DYNC2H1: variants seen among roughly 807,000 people sequenced by gnomAD.
DYNC2H1 encodes dynein cytoplasmic 2 heavy chain 1, also known as cytoplasmic dynein 2 heavy chain 1.
A neutral mutation model predicts 570.0 loss-of-function variants in DYNC2H1; 410 were observed. The observed-to-expected ratio is 0.72, with a 90% CI of 0.66 to 0.78. The LOEUF (loss-of-function observed/expected upper bound fraction) is 0.78. DYNC2H1 is among the 30% of genes least tolerant of loss of function. The pLI is 0.00. For synonymous variants in DYNC2H1, 1,688 were observed against 1,677.6 expected, an observed-to-expected ratio of 1.01 and a Z score of -0.15; for missense variants, 4,865 against 5,046.4, an observed-to-expected ratio of 0.96 and a Z score of 1.09.
At chr11:103,376,009 C>T (rs537686605) in intron 83 of DYNC2H1, among the ~76,000 whole-genome samples, 81 of 152,282 alleles carry the variant, frequency 5.3e-4, no homozygotes, top group African/African-American at 1.9e-3. Flanking sequence ...ATTTGAGGGA[C>T]CCAGTTGGAG....
intron 59 of DYNC2H1, among the ~76,000 whole-genome samples, chr11:103,225,626 C>T (rs1203954495): frequency 2.0e-5 from 3 of 152,076 alleles, no homozygotes; most frequent in African/African-American, 7.2e-5. Flanking sequence ...TATTTTTATA[C>T]CAGTGCAATG....
Position 103,199,439 on chromosome 11 carries a change from G to C in DYNC2H1, c.8051G>C (p.Gly2684Ala). 1.2e-6 allele frequency: 2 copies of C among 1,606,492 alleles called. No homozygotes were observed. The highest frequency in any genetic ancestry group is 1.7e-6 in the Non-Finnish European group (2 of 1,175,962). Reference protein sequence around the residue: ...AVLFSPKISRGYELKQFKNDL... With the variant: ...AVLFSPKISRAYELKQFKNDL... ...CTGTTTTCTCCAAAGATTTCCAGAGGATATGAACTGAAGCAGTTCAAAAAT... is the reference window on the plus strand; with the variant it reads ...CTGTTTTCTCCAAAGATTTCCAGAGCATATGAACTGAAGCAGTTCAAAAAT... Residue 2684 changes from glycine (G) to alanine (A), a missense_variant, in exon 49 of 89, where the codon GGA (glycine) becomes GCA (alanine). Gly to Ala is a moderately conservative substitution (Grantham distance 60, BLOSUM62 0). Coordinates refer to ENST00000375735, the MANE Select transcript of DYNC2H1 (RefSeq NM_001377.3). This position sits in a 1 kb window ranked among gnomAD's most constrained non-coding sequence, Gnocchi z 4.6.
At chr11:103,267,498 T>A (rs1315447369) in intron 70 of DYNC2H1, among the ~76,000 whole-genome samples, 1 of 151,942 alleles carries the variant, frequency 6.6e-6, no homozygotes, top group Non-Finnish European at 1.5e-5. Flanking sequence ...CTCAAAGCCA[T>A]TTTGTTACTA....
In DYNC2H1 at chr11:103,301,932, A is replaced by AT. The variant is rs1209426847; in HGVS notation, c.11096-1156dup. Among the ~76,000 whole-genome samples the AT allele has an allele frequency of 5.3e-5, 8 of 151,956 alleles. No homozygotes were observed. The East Asian group carries it at 1.4e-3, about 26-fold the overall frequency. ...GTACTCATTCAGTTACATTCTCCTA[A>AT]TTTTTCGTTTATTTTTAAACTCCTG... On this transcript the variant is annotated intron_variant, in intron 75 of 88. Coordinates refer to ENST00000375735, the MANE Select transcript of DYNC2H1 (RefSeq NM_001377.3).
In DYNC2H1 at chr11:103,446,726, T is replaced by G. The variant is rs968145146; in HGVS notation, c.12457-8460T>G. On this transcript the variant is annotated intron_variant, in intron 85 of 88. Transcript: ENST00000375735. This position sits in a 1 kb window ranked among gnomAD's most constrained non-coding sequence, Gnocchi z 4.5. ...GACCATATCTGTGTTCACTATAAAT[T>G]TTTAAATTGATGGTACAAGAAAAAG... Among the ~76,000 whole-genome samples, 4 of 152,096 alleles carry G rather than the reference T, an allele frequency of 2.6e-5. No individual in the cohort carries two copies. Among genetic ancestry groups the G allele is most frequent in the African/African-American group, 9.7e-5 (4 of 41,428 alleles).
rs1298753697 is a variant in DYNC2H1, at chr11:103,156,583, G to A, written c.3940G>A (p.Asp1314Asn). Reference protein sequence around the residue: ...DNRCLLQSLKDSPYYKGFEDK... With the variant: ...DNRCLLQSLKNSPYYKGFEDK... The stretch of plus-strand genomic sequence containing the variant: ...TAGATGCCTTCTCCAATCCTTAAAG[G>A]ATTCTCCTTATTATAAAGGATTTGA... Residue 1314 changes from aspartate to asparagine, a missense_variant, in exon 26 of 89, where the codon GAT becomes AAT. Physicochemically the swap from Asp to Asn is conservative, Grantham distance 23. Around this residue, in one of 5 missense-constraint regions of DYNC2H1, gnomAD observed 1,936 missense variants for 1,962.1 expected, o/e 0.99. Transcript: ENST00000375735. 2 of 1,613,500 alleles carry A rather than the reference G, an allele frequency of 1.2e-6. No individual in the cohort carries two copies. The highest frequency in any genetic ancestry group is 2.2e-5 in the East Asian group (1 of 44,862).
rs1344889620 is a variant in DYNC2H1 at position 103,257,701 on chromosome 11, A to G, written c.10555A>G (p.Ser3519Gly). The G allele has an allele frequency of 1.2e-6, 2 of 1,610,664 alleles. No homozygotes were observed. The highest frequency in any genetic ancestry group is 1.7e-6 in the Non-Finnish European group (2 of 1,178,228). The change falls in exon 69 of 89, where the codon AGT becomes GGT. Residue 3519 changes from serine to glycine, a missense_variant. Coordinates refer to ENST00000375735, the MANE Select transcript of DYNC2H1 (RefSeq NM_001377.3). The stretch of plus-strand genomic sequence containing the variant: ...CAAAATTAATAACATGTACCGTTTT[A>G]GTTTGGCTGCTTTTCTCCGACTTTT... ...LSKINNMYRF[S>G]LAAFLRLFQR...
At chr11:103,126,527 A>G (rs1459884867) in intron 12 of DYNC2H1, among the ~76,000 whole-genome samples, 2 of 152,134 alleles carry the variant, frequency 1.3e-5, no homozygotes, top group Non-Finnish European at 2.9e-5. Context: ...CCATTGTACC[A>G]CTGATCTAAC....
chr11:103,456,377 C>A (rs538485950), intron 87 of DYNC2H1, 21 bp downstream of exon 87: 2 of 1,562,260 alleles, frequency 1.3e-6, no homozygotes, highest in Admixed American at 1.9e-5. Flanking sequence ...AATTTTAGAT[C>A]TTGGAATCTC....
At chr11:103,276,136 T>G (rs933849524) in intron 70 of DYNC2H1, among the ~76,000 whole-genome samples, 7 of 152,144 alleles carry the variant, frequency 4.6e-5, no homozygotes, top group African/African-American at 1.7e-4. Context: ...TTTTACATGG[T>G]CACATGTTTG....
At chr11:103,154,651 A>G (rs1450788174) in intron 23 of DYNC2H1, 44 bp from the exon 24 acceptor site, 1 of 1,570,752 alleles carries the variant, frequency 6.4e-7, no homozygotes, top group East Asian at 2.3e-5. Context: ...TGGTTGTTTT[A>G]TTTTTGGATG....
chr11:103,255,338 A>G, intron 66 of DYNC2H1, 77 bp from the exon 67 acceptor site: 2 of 1,456,222 alleles, frequency 1.4e-6, no homozygotes, highest in East Asian at 2.6e-5. Flanking sequence ...TGTCAAACAC[A>G]AGGCCTGTTT....
chr11:103,171,045 G>C lies in DYNC2H1; in HGVS notation c.5311G>C (p.Val1771Leu). 5 of 1,601,778 alleles carry C rather than the reference G, an allele frequency of 3.1e-6. No homozygotes were observed. In the African/African-American group the frequency reaches 6.7e-5, roughly 21 times the overall value. ...IQDALKNHRT[V>L]CELLGKEVEV... is the part of the protein sequence containing the mutation. Reference sequence around the variant, plus strand: ...AGATGCTTTGAAGAATCATAGAACTGTATGTGAACTGCTTGGCAAGGAGGT... The same window carrying C: ...AGATGCTTTGAAGAATCATAGAACTCTATGTGAACTGCTTGGCAAGGAGGT... The change falls in exon 34 of 89, where the codon GTA becomes CTA. Residue 1771 changes from valine (V) to leucine (L), a missense_variant. Val to Leu is a conservative substitution (Grantham distance 32, BLOSUM62 1). Coordinates refer to ENST00000375735, the MANE Select transcript of DYNC2H1 (RefSeq NM_001377.3).
At chr11:103,413,613 G>A (rs1030582137) in intron 84 of DYNC2H1, among the ~76,000 whole-genome samples, 2 of 152,104 alleles carry the variant, frequency 1.3e-5, no homozygotes, top group African/African-American at 4.8e-5. Flanking sequence ...TATAGTGTTT[G>A]TTATAAGATG....
In DYNC2H1 at chr11:103,479,247, T is replaced by A; in HGVS notation, c.12918T>A (p.Asn4306Lys). ...GTGGAGCAGCTCTATTCCTAAAAAA[T>A]CAGTAGAATCTAATGACAACAAAAG... ...IQCGAALFLK[N>K]Q is the part of the protein sequence containing the mutation. Residue 4306 changes from asparagine to lysine, a missense_variant, in exon 89 of 89, where the codon AAT (asparagine) becomes AAA (lysine). This residue lies in a region of DYNC2H1 where 2,401 missense variants were observed against 2,454.6 expected (regional missense o/e 0.98). Transcript: ENST00000375735. 6.2e-7 allele frequency: 1 copy of A among 1,609,868 alleles called. No homozygotes were observed. The highest frequency in any genetic ancestry group is 8.5e-7 in the Non-Finnish European group (1 of 1,177,866).
At chr11:103,388,935 G>A (rs1204841752) in intron 83 of DYNC2H1, among the ~76,000 whole-genome samples, 1 of 152,170 alleles carries the variant, frequency 6.6e-6, no homozygotes, top group Non-Finnish European at 1.5e-5. Flanking sequence ...TTGCATTGAT[G>A]TTCATCAGGG....
intron 59 of DYNC2H1, among the ~76,000 whole-genome samples, chr11:103,227,041 A>G (rs1863828291): frequency 6.6e-6 from 1 of 151,838 alleles, no homozygotes; most frequent in Non-Finnish European, 1.5e-5. Flanking sequence ...AACATCTCCC[A>G]TTTCTTTCTA....
At chr11:103,248,699 C>A (rs946875665) in intron 65 of DYNC2H1, among the ~76,000 whole-genome samples, 2 of 151,982 alleles carry the variant, frequency 1.3e-5, no homozygotes, top group African/African-American at 4.8e-5. Context: ...TTTGCACTTT[C>A]TGTCATAATA....
chr11:103,203,657 C>T lies in DYNC2H1; in HGVS notation c.8198-6C>T. ...TGTTTTCAATTAGTCTAATATTTTT[C>T]TGTAGGTGAAGTTCCTGGACTCTAT... On this transcript the variant is annotated splice_region_variant and splice_polypyrimidine_tract_variant and intron_variant, in intron 50 of 88. Coordinates refer to ENST00000375735, the MANE Select transcript of DYNC2H1 (RefSeq NM_001377.3). This position sits in a 1 kb window ranked among gnomAD's most constrained non-coding sequence, Gnocchi z 4.7. The T allele has an allele frequency of 6.4e-7, 1 of 1,551,614 alleles. No homozygotes were observed. The highest frequency in any genetic ancestry group is 8.7e-7 in the Non-Finnish European group (1 of 1,143,694).
Sources: gnomAD v4.1 joint callset for allele counts (sites outside exome capture counted in the v4.1 genomes callset) on GRCh38, gnomAD v4.1.1 for gene constraint, gnomAD v4.1.1 regional missense constraint, Gnocchi (gnomAD v3.1) non-coding constraint, MANE v1.5 for transcripts, NCBI Gene and HGNC (gene_info 2026-07-23, HGNC 2026-07-21) for gene names.